TDRP: variants seen among roughly 807,000 people sequenced by gnomAD.
TDRP encodes the protein testis development related protein.
In TDRP, 12 loss-of-function variants were observed where a neutral mutation model predicts 10.5. That is an observed-to-expected ratio of 1.15 (90% CI 0.73 to 1.86). The LOEUF is 1.86. Ranked by LOEUF, TDRP falls within the 40% of genes most tolerant of loss-of-function variation. The pLI, the probability that TDRP is intolerant of heterozygous loss-of-function variation, is 0.00. For missense variants in TDRP, 353 were observed against 229.2 expected, an observed-to-expected ratio of 1.54 and a Z score of -3.49; for synonymous variants, 139 against 95.4, an observed-to-expected ratio of 1.46 and a Z score of -2.67.
chr8:533,014 G>A (rs1802247628), intron 1 of TDRP, among the ~76,000 whole-genome samples: 1 of 152,134 alleles, frequency 6.6e-6, no homozygotes. Flanking sequence ...TCTGGAGAGA[G>A]GAACTCATTT....
chr8:506,965 G>C (rs1375631790), intron 1 of TDRP, among the ~76,000 whole-genome samples: 1 of 152,170 alleles, frequency 6.6e-6, no homozygotes, highest in Non-Finnish European at 1.5e-5. Flanking sequence ...CTGGGACTGG[G>C]TAATTATAAA....
At chr8:530,141 C>T (rs996901496) in intron 1 of TDRP, among the ~76,000 whole-genome samples, 1 of 151,942 alleles carries the variant, frequency 6.6e-6, no homozygotes, top group African/African-American at 2.4e-5. Context: ...TTTTTAATCC[C>T]TCTAGTTAAT....
chr8:523,823 C>A (rs1801968697), intron 1 of TDRP, among the ~76,000 whole-genome samples: 1 of 152,124 alleles, frequency 6.6e-6, no homozygotes, highest in Non-Finnish European at 1.5e-5. Context: ...TGACTCCAGG[C>A]CCTGGCTCCT....
intron 1 of TDRP, among the ~76,000 whole-genome samples, chr8:514,598 G>A (rs993200216): frequency 6.6e-6 from 1 of 152,082 alleles, no homozygotes; most frequent in Non-Finnish European, 1.5e-5. Flanking sequence ...ATGGAAACAC[G>A]AGGAACCATG....
chr8:501,545 C>T (rs1267648387), intron 1 of TDRP, among the ~76,000 whole-genome samples: 1 of 152,026 alleles, frequency 6.6e-6, no homozygotes, highest in Admixed American at 6.5e-5. Flanking sequence ...TAGGGTTTCA[C>T]TATGTTGGCC....
intron 1 of TDRP, 68 bp from the exon 2 acceptor site, chr8:494,665 A>ATGGTT: frequency 7.2e-7 from 1 of 1,394,474 alleles, no homozygotes; most frequent in Non-Finnish European, 1.0e-6. Flanking sequence ...TTTCTACTCC[A>ATGGTT]ATAACCATGG....
intron 1 of TDRP, among the ~76,000 whole-genome samples, chr8:524,205 T>C (rs1801977935): frequency 1.3e-5 from 2 of 152,192 alleles, no homozygotes; most frequent in African/African-American, 4.8e-5. Context: ...AGTTGGTATG[T>C]CTACAGGTCT....
intron 1 of TDRP, among the ~76,000 whole-genome samples, chr8:520,100 G>T (rs763497543): frequency 3.9e-5 from 6 of 152,216 alleles, no homozygotes; most frequent in Non-Finnish European, 1.5e-5. Context: ...ATATCCTGTG[G>T]TTGGGGAGAA....
upstream of TDRP, chr8:545,471 T>C (rs369326652): frequency 2.8e-5 from 4 of 141,382 alleles, no homozygotes; most frequent in East Asian, 6.7e-4. Flanking sequence ...TCCCAGACCC[T>C]GGCCGGAGGG....
intron 1 of TDRP, among the ~76,000 whole-genome samples, chr8:515,701 G>A (rs1801740377): frequency 1.3e-5 from 2 of 152,152 alleles, no homozygotes; most frequent in South Asian, 4.1e-4. Context: ...TAATTGTTAA[G>A]TTATAATCAA....
intron 1 of TDRP, among the ~76,000 whole-genome samples, chr8:509,125 A>G (rs1801543022): frequency 6.6e-6 from 1 of 152,252 alleles, no homozygotes; most frequent in Non-Finnish European, 1.5e-5. Flanking sequence ...TTTGCAGGGT[A>G]TGGCCCCCTG....
chr8:530,385 T>C (rs1802158388), intron 1 of TDRP, among the ~76,000 whole-genome samples: 1 of 152,218 alleles, frequency 6.6e-6, no homozygotes, highest in Admixed American at 6.5e-5. Flanking sequence ...TTTGTTCCAT[T>C]AATTGGGCCA....
At chr8:497,167 C>G (rs1174766464) in intron 1 of TDRP, among the ~76,000 whole-genome samples, 1 of 152,160 alleles carries the variant, frequency 6.6e-6, no homozygotes, top group Non-Finnish European at 1.5e-5. Flanking sequence ...CTGGAATAGT[C>G]TGGAGGGTCC....
chr8:525,196 T>C (rs1361381196), intron 1 of TDRP, among the ~76,000 whole-genome samples: 1 of 152,120 alleles, frequency 6.6e-6, no homozygotes, highest in East Asian at 1.9e-4. Context: ...AAAACATTTT[T>C]ACCCTAGATT....
chr8:528,910 C>CT (rs1459564399), intron 1 of TDRP, among the ~76,000 whole-genome samples: 2 of 152,014 alleles, frequency 1.3e-5, no homozygotes, highest in Non-Finnish European at 2.9e-5. Context: ...CACAAGGTCC[C>CT]ACAACAGGAT....
At chr8:522,537 T>A (rs896073116) in intron 1 of TDRP, among the ~76,000 whole-genome samples, 7 of 152,216 alleles carry the variant, frequency 4.6e-5, no homozygotes, top group African/African-American at 1.7e-4. Context: ...CCTTGAAAAG[T>A]AAGAAATAAT....
At chr8:531,437 C>A (rs184709103) in intron 1 of TDRP, among the ~76,000 whole-genome samples, 1 of 152,060 alleles carries the variant, frequency 6.6e-6, no homozygotes, top group African/African-American at 2.4e-5. Flanking sequence ...TGCAGTCTTG[C>A]GGGAATGACT....
intron 1 of TDRP, among the ~76,000 whole-genome samples, chr8:531,479 G>A (rs1004986591): frequency 2.0e-5 from 3 of 152,180 alleles, no homozygotes; most frequent in Non-Finnish European, 2.9e-5. Context: ...CTAATTCTGG[G>A]AAGGGAATGT....
At chr8:536,772 C>A (rs1802357602) in intron 1 of TDRP, among the ~76,000 whole-genome samples, 1 of 152,150 alleles carries the variant, frequency 6.6e-6, no homozygotes, top group South Asian at 2.1e-4. Flanking sequence ...CCACTCTGTT[C>A]CACAGGCAGG....
Sources: gnomAD v4.1 joint callset for allele counts (sites outside exome capture counted in the v4.1 genomes callset) on GRCh38, gnomAD v4.1.1 for gene constraint, MANE v1.5 for transcripts, NCBI Gene and HGNC (gene_info 2026-07-23, HGNC 2026-07-21) for gene names.